The following UNC13C variants were observed in gnomAD, a reference collection of about 807,000 sequenced individuals.
The protein encoded by UNC13C is unc-13 homolog C.
A neutral mutation model predicts 245.4 loss-of-function variants in UNC13C; 174 were observed. The observed-to-expected ratio is 0.71, with a 90% confidence interval of 0.63 to 0.80. UNC13C has a LOEUF of 0.80. UNC13C is among the 30% of genes least tolerant of loss of function. The pLI is 0.00. For synonymous variants in UNC13C, 992 were observed against 895.1 expected (o/e 1.11, Z -1.93); for missense variants, 2,829 against 2,602.9 (o/e 1.09, Z -1.89).
In UNC13C at chr15:54,330,352, C is replaced by T. The variant is rs551462425; in HGVS notation, c.4426-1691C>T. Among the ~76,000 whole-genome samples the T allele has an allele frequency of 1.1e-4, 17 of 151,982 alleles. No individual in the cohort carries two copies. In the East Asian group the frequency reaches 3.1e-3, roughly 28 times the overall value. ...GCCAAAACCATGGCATGTGGTCATCCTTGGAGGAAAAGAGGTCGAGAGGGT... is the reference window on the plus strand; with the variant it reads ...GCCAAAACCATGGCATGTGGTCATCTTTGGAGGAAAAGAGGTCGAGAGGGT... On this transcript the variant is annotated intron_variant, in intron 14 of 32. Transcript: ENST00000260323.
intron 2 of UNC13C, chr15:54,049,439 C>T (rs1897181023): frequency 2.1e-6 from 1 of 468,306 alleles, no homozygotes; most frequent in African/African-American, 2.0e-5. Flanking sequence ...TTTGTGGAGA[C>T]CACATAACAT....
chr15:54,246,850 T>C (rs1436252138), intron 7 of UNC13C, among the ~76,000 whole-genome samples: 1 of 152,178 alleles, frequency 6.6e-6, no homozygotes, highest in Non-Finnish European at 1.5e-5. Context: ...CAAACCACCA[T>C]GGCACATGTT....
chr15:54,549,007 T>C (rs1312481860), intron 27 of UNC13C, among the ~76,000 whole-genome samples: 1 of 152,176 alleles, frequency 6.6e-6, no homozygotes, highest in Non-Finnish European at 1.5e-5. Flanking sequence ...TTTTCCTTCC[T>C]GTGACAATAT....
At chr15:54,397,408 C>T (rs2040093319) in intron 18 of UNC13C, among the ~76,000 whole-genome samples, 1 of 151,438 alleles carries the variant, frequency 6.6e-6, no homozygotes, top group South Asian at 2.1e-4. Flanking sequence ...TACACCAGTA[C>T]TGCATGTCTT....
chr15:53,906,053 G>T, the UNC13C span, among the ~76,000 whole-genome samples: 1 of 152,096 alleles, frequency 6.6e-6, no homozygotes, highest in Non-Finnish European at 1.5e-5. Context: ...TCTGCAATAG[G>T]CTTGGCACAG....
chr15:54,203,323 TA>T (rs1345899651), intron 4 of UNC13C, among the ~76,000 whole-genome samples: 1 of 151,724 alleles, frequency 6.6e-6, no homozygotes, highest in East Asian at 1.9e-4. Flanking sequence ...ATCCCACTAC[TA>T]AGTGTCTATT....
At position 54,013,622 on chromosome 15, in the gene UNC13C, A is replaced by C. The variant is rs1895490335; in HGVS notation, c.719A>C (p.His240Pro). 2 of 1,613,696 alleles carry C rather than the reference A, an allele frequency of 1.2e-6. No individual in the cohort carries two copies. Among genetic ancestry groups the C allele is most frequent in the African/African-American group, 1.3e-5 (1 of 75,018 alleles). ...FSSSGCISQT[H>P]DVMEMIFKEL... ...TCCTCTGGCTGCATTAGCCAAACAC[A>C]TGATGTCATGGAAATGATCTTTAAG... Residue 240 changes from histidine to proline, a missense_variant, in exon 2 of 33, where the codon CAT (histidine) becomes CCT (proline). His to Pro is a moderately conservative substitution (Grantham distance 77). Transcript: ENST00000260323.
the UNC13C span, chr15:53,912,698 C>T: frequency 6.6e-6 from 1 of 152,184 alleles, no homozygotes; most frequent in African/African-American, 2.4e-5. Flanking sequence ...TCACCAGCCC[C>T]AAGTTCTGCC....
chr15:53,839,753 T>C, the UNC13C span, among the ~76,000 whole-genome samples: 3 of 152,228 alleles, frequency 2.0e-5, no homozygotes, highest in South Asian at 6.2e-4. Context: ...CCTCCTATCT[T>C]GCCTTCATTG....
intron 2 of UNC13C, among the ~76,000 whole-genome samples, chr15:54,058,791 G>A (rs1254519641): frequency 6.6e-6 from 1 of 152,196 alleles, no homozygotes; most frequent in Non-Finnish European, 1.5e-5. Flanking sequence ...TCCCTGGGAT[G>A]CAAGGCTGGT....
intron 2 of UNC13C, among the ~76,000 whole-genome samples, chr15:54,038,679 AG>A: frequency 6.6e-6 from 1 of 152,344 alleles, no homozygotes; most frequent in Admixed American, 6.5e-5. Flanking sequence ...GTCAATATCA[AG>A]TTATCTTAAA....
chr15:53,875,374 G>C, the UNC13C span, among the ~76,000 whole-genome samples: 1 of 152,096 alleles, frequency 6.6e-6, no homozygotes, highest in African/African-American at 2.4e-5. Context: ...ATGTTGTTGG[G>C]TATGTTCTGC....
chr15:53,945,930 C>A, the UNC13C span, among the ~76,000 whole-genome samples: 1 of 151,978 alleles, frequency 6.6e-6, no homozygotes, highest in Admixed American at 6.6e-5. Flanking sequence ...ATTTGAGCAG[C>A]GTTTTGTATC....
intron 26 of UNC13C, among the ~76,000 whole-genome samples, chr15:54,535,797 A>G (rs753399057): frequency 1.9e-4 from 29 of 152,168 alleles, no homozygotes; most frequent in Non-Finnish European, 3.2e-4. Context: ...TGAAAATTGT[A>G]AAAGAAAAGG....
chr15:54,373,015 G>A (rs2039525164), intron 17 of UNC13C, among the ~76,000 whole-genome samples: 1 of 152,320 alleles, frequency 6.6e-6, no homozygotes, highest in South Asian at 2.1e-4. Flanking sequence ...GGTAGAAGCT[G>A]ACTCAGCCAG....
At chr15:54,388,276 C>T (rs1444389511) in intron 17 of UNC13C, among the ~76,000 whole-genome samples, 1 of 152,060 alleles carries the variant, frequency 6.6e-6, no homozygotes, top group African/African-American at 2.4e-5. Context: ...ATCTCATTCT[C>T]CTTTCCTGTT....
At chr15:54,019,815 G>A (rs963340901) in intron 2 of UNC13C, among the ~76,000 whole-genome samples, 1 of 152,182 alleles carries the variant, frequency 6.6e-6, no homozygotes, top group Non-Finnish European at 1.5e-5. Flanking sequence ...CTGGCTGGTT[G>A]TTAGAATCAT....
intron 4 of UNC13C, among the ~76,000 whole-genome samples, chr15:54,227,422 A>G (rs1284938230): frequency 6.6e-6 from 1 of 152,152 alleles, no homozygotes; most frequent in African/African-American, 2.4e-5. Flanking sequence ...GCTGCCATCA[A>G]CGTACCATTC....
chr15:54,199,967 T>C (rs2034471432), intron 4 of UNC13C, among the ~76,000 whole-genome samples: 1 of 152,092 alleles, frequency 6.6e-6, no homozygotes, highest in Non-Finnish European at 1.5e-5. Context: ...AGGACTCATA[T>C]AAACTTAAAG....
Sources: allele counts gnomAD v4.1 joint callset (sites outside exome capture counted in the v4.1 genomes callset), GRCh38; gene constraint gnomAD v4.1.1; transcripts MANE v1.5; gene names NCBI Gene and HGNC (gene_info 2026-07-23, HGNC 2026-07-21).